GLI2: variants seen among roughly 807,000 people sequenced by gnomAD.
GLI2 encodes transcription activator GLI2.
GLI2 carries 22 observed loss-of-function variants against 78.9 expected under a neutral mutation model. The observed-to-expected ratio is 0.28, with a 90% CI of 0.20 to 0.40. The LOEUF is 0.40. Among genes scored for constraint, GLI2 ranks in the 10% least tolerant of loss-of-function variants. The pLI is 1.00. For synonymous variants in GLI2, 974 were observed against 963.7 expected, an observed-to-expected ratio of 1.01 and a Z score of -0.20; for missense variants, 2,097 against 2,213.2, an observed-to-expected ratio of 0.95 and a Z score of 1.05.
At chr2:120,750,981 A>G (rs960540453) in intron 1 of GLI2, among the ~76,000 whole-genome samples, 4 of 152,230 alleles carry the variant, frequency 2.6e-5, no homozygotes, top group Admixed American at 6.5e-5. Flanking sequence ...CGGGCCTTCC[A>G]GCCAGATCCC....
At chr2:120,978,999 T>TTTTG (rs753425437) in intron 10 of GLI2, among the ~76,000 whole-genome samples, 2 of 152,164 alleles carry the variant, frequency 1.3e-5, no homozygotes, top group Non-Finnish European at 2.9e-5. Flanking sequence ...TTGAGGGTTT[T>TTTTG]TTTGTTTGTT....
At chr2:120,983,946 G>GGGTGTGTGTGTGT (rs112474343) in intron 11 of GLI2, among the ~76,000 whole-genome samples, 16 of 143,210 alleles carry the variant, frequency 1.1e-4, no homozygotes, top group East Asian at 4.2e-4. Flanking sequence ...TGGTGTGTGG[G>GGGTGTGTGTGTGT]GTGTGTGTGT....
chr2:120,847,771 G>T lies in GLI2; in HGVS notation c.148+50303G>T, dbSNP rs567134536. Among the ~76,000 whole-genome samples, 12 of 152,110 alleles carry T rather than the reference G, an allele frequency of 7.9e-5. No homozygotes were observed. The South Asian group carries it at 2.3e-3, about 29-fold the overall frequency. On this transcript the variant is annotated intron_variant, in intron 2 of 13. Coordinates refer to ENST00000361492, the MANE Select transcript of GLI2 (RefSeq NM_001374353.1). The stretch of plus-strand genomic sequence containing the variant: ...CGTGGGGGGCAGGGGCGGGGGGGCG[G>T]TGGTTCCTATTTGGAGCCAGGGAGT...
rs192920885 is a variant in GLI2, at chr2:120,898,532, T to C, written c.149-28829T>C. Among the ~76,000 whole-genome samples, 466 of 152,230 alleles carry C rather than the reference T, an allele frequency of 3.1e-3. 3 individuals carry two copies. Among genetic ancestry groups the C allele is most frequent in the African/African-American group, 0.011 (440 of 41,546 alleles). On this transcript the variant is annotated intron_variant, in intron 2 of 13. Coordinates refer to ENST00000361492, the MANE Select transcript of GLI2 (RefSeq NM_001374353.1). ...TTCAGGGAGGGGAAATGAACATTTA[T>C]GGAGCACCCACTATGGGCTCGACAC...
At chr2:120,898,280 A>G (rs902862726) in intron 2 of GLI2, among the ~76,000 whole-genome samples, 3 of 151,992 alleles carry the variant, frequency 2.0e-5, no homozygotes, top group African/African-American at 7.3e-5. Context: ...TTCCCCAGAC[A>G]TTTACTGTGT....
At chr2:120,842,461 G>A (rs1024299220) in intron 2 of GLI2, among the ~76,000 whole-genome samples, 9 of 152,142 alleles carry the variant, frequency 5.9e-5, no homozygotes, top group South Asian at 2.1e-4. Context: ...TGGACAGACT[G>A]TAATTTATTT....
intron 5 of GLI2, among the ~76,000 whole-genome samples, chr2:120,956,203 G>A (rs529045623): frequency 6.6e-6 from 1 of 152,134 alleles, no homozygotes; most frequent in Non-Finnish European, 1.5e-5. Flanking sequence ...ACCACAGGAT[G>A]TGCTCCCAGC....
At chr2:120,834,360 A>T (rs1292309199) in intron 2 of GLI2, among the ~76,000 whole-genome samples, 2 of 152,162 alleles carry the variant, frequency 1.3e-5, no homozygotes, top group African/African-American at 4.8e-5. Flanking sequence ...GGCCGGTTTG[A>T]ATGATTCTAG....
At chr2:120,753,285 AG>A (rs1439657806) in intron 1 of GLI2, among the ~76,000 whole-genome samples, 1 of 151,962 alleles carries the variant, frequency 6.6e-6, no homozygotes, top group Non-Finnish European at 1.5e-5. Flanking sequence ...CAGTAGAGAC[AG>A]GGTTTCGCCA....
chr2:120,916,085 G>T (rs1558879737), intron 2 of GLI2, among the ~76,000 whole-genome samples: 2 of 152,228 alleles, frequency 1.3e-5, no homozygotes, highest in Non-Finnish European at 2.9e-5. Context: ...GGTGGTCCCT[G>T]GAGCAGCAGC....
chr2:120,846,358 C>A (rs1391243167), intron 2 of GLI2, among the ~76,000 whole-genome samples: 2 of 152,298 alleles, frequency 1.3e-5, no homozygotes, highest in East Asian at 3.9e-4. Flanking sequence ...TTTGTGAAAG[C>A]CTTTGTGGGC....
At chr2:120,919,762 A>G (rs940085639) in intron 2 of GLI2, among the ~76,000 whole-genome samples, 3 of 152,238 alleles carry the variant, frequency 2.0e-5, no homozygotes, top group African/African-American at 7.2e-5. Context: ...TGGTGTTTGG[A>G]ACCAAAGGCC....
In GLI2 at chr2:120,921,134, G is replaced by T. The variant is rs561803823; in HGVS notation, c.149-6227G>T. Among the ~76,000 whole-genome samples the T allele has an allele frequency of 7.7e-4, 118 of 152,268 alleles. 2 individuals carry two copies. The Middle Eastern group carries it at 0.017, about 22-fold the overall frequency. The stretch of plus-strand genomic sequence containing the variant: ...ATTCACCTCTGAATGTTTCCATCGG[G>T]GGCTGTGGGACAATCCGTGCTGGTC... On this transcript the variant is annotated intron_variant, in intron 2 of 13. Transcript: ENST00000361492.
rs745751907 is a variant in GLI2, at chr2:120,905,056, C to T, written c.149-22305C>T. On this transcript the variant is annotated intron_variant, in intron 2 of 13. Transcript: ENST00000361492. ...AGCAATGAAACTTGCCAGTTGGTAC[C>T]GACACAGGGCACTTATCTCATAAAA... is the stretch of plus-strand genomic sequence containing the variant. Among the ~76,000 whole-genome samples the T allele has an allele frequency of 3.9e-5, 6 of 152,192 alleles. No homozygotes were observed. The South Asian group carries it at 8.3e-4, about 21-fold the overall frequency.
At chr2:120,897,394 T>A (rs1417684773) in intron 2 of GLI2, among the ~76,000 whole-genome samples, 1 of 152,182 alleles carries the variant, frequency 6.6e-6, no homozygotes, top group Non-Finnish European at 1.5e-5. Context: ...TAAAAATAAA[T>A]TTTGAAGCAA....
chr2:120,984,370 C>T, intron 11 of GLI2, 101 bp from the exon 12 acceptor site: 1 of 1,280,158 alleles, frequency 7.8e-7, no homozygotes, highest in Non-Finnish European at 1.1e-6. Flanking sequence ...CAGCTGGGCT[C>T]TGCTGAGGGG....
At chr2:120,972,830 G>C (rs774818920) in intron 8 of GLI2, among the ~76,000 whole-genome samples, 1 of 152,184 alleles carries the variant, frequency 6.6e-6, no homozygotes, top group Non-Finnish European at 1.5e-5. Flanking sequence ...CCCAGACCCT[G>C]TGCTGATCCT....
In GLI2 at chr2:120,797,328, C is replaced by T. The variant is rs770918439; in HGVS notation, c.8C>T (p.Thr3Met). ME[T>M]SASATASEKQ... The stretch of plus-strand genomic sequence containing the variant: ...GGACGATGAGCGGCTGAGATGGAGA[C>T]GTCTGCCTCAGCCACTGCCTCCGAG... Residue 3 changes from threonine (T) to methionine (M), a missense_variant, in exon 2 of 14, where the codon ACG (threonine) becomes ATG (methionine). Coordinates refer to ENST00000361492, the MANE Select transcript of GLI2 (RefSeq NM_001374353.1). The T allele has an allele frequency of 3.0e-5, 48 of 1,613,806 alleles. No individual in the cohort carries two copies. The highest frequency in any genetic ancestry group is 3.3e-4 in the Middle Eastern group (2 of 6,082).
At chr2:120,805,977 C>T (rs1684928521) in intron 2 of GLI2, among the ~76,000 whole-genome samples, 1 of 152,114 alleles carries the variant, frequency 6.6e-6, no homozygotes, top group African/African-American at 2.4e-5. Context: ...TAACAATTTC[C>T]TCTCTATCAA....
Sources: gnomAD v4.1 joint callset for allele counts (sites outside exome capture counted in the v4.1 genomes callset) on GRCh38, gnomAD v4.1.1 for gene constraint, MANE v1.5 for transcripts, NCBI Gene and HGNC (gene_info 2026-07-23, HGNC 2026-07-21) for gene names.